RPP30: variants seen among roughly 807,000 people sequenced by gnomAD.
RPP30 encodes the protein ribonuclease P/MRP subunit p30.
In RPP30, 36 loss-of-function variants were observed where a neutral mutation model predicts 38.6. That is an observed-to-expected ratio of 0.93 (90% CI 0.71 to 1.23). The LOEUF (loss-of-function observed/expected upper bound fraction) is 1.23, where lower values mean the gene tolerates loss of function less well. Among genes scored for constraint, RPP30 ranks in the 50% most tolerant of loss-of-function variants. The probability of loss-of-function intolerance (pLI) is 0.00; values close to 1 mark genes in which losing one functional copy is unlikely to be tolerated. For missense variants in RPP30, 321 were observed against 321.7 expected (o/e 1.00, Z 0.02); for synonymous variants, 126 against 112.7 (o/e 1.12, Z -0.75).
At chr10:90,873,503 A>G (rs886079935) in intron 1 of RPP30, among the ~76,000 whole-genome samples, 3 of 152,266 alleles carry the variant, frequency 2.0e-5, no homozygotes, top group African/African-American at 7.2e-5. Context: ...ACAAGAAACC[A>G]ATAATAAGCT....
intron 6 of RPP30, among the ~76,000 whole-genome samples, chr10:90,889,906 T>C (rs78552826): frequency 6.1e-4 from 93 of 152,336 alleles, no homozygotes; most frequent in African/African-American, 2.2e-3. Context: ...CGCATTTCTG[T>C]CATGTGATAG....
downstream of RPP30, chr10:90,902,277 G>T (rs1479867845): frequency 2.2e-6 from 1 of 448,576 alleles, no homozygotes; most frequent in Non-Finnish European, 3.5e-6. Context: ...GAGTGCAGTG[G>T]CACAATCTCG....
At chr10:90,897,002 A>C (rs1589501934) in intron 10 of RPP30, among the ~76,000 whole-genome samples, 1 of 151,656 alleles carries the variant, frequency 6.6e-6, no homozygotes, top group East Asian at 1.9e-4. Flanking sequence ...CAATCCTCCT[A>C]CCTCAGCCTC....
chr10:90,880,049 G>C (rs1179268034), intron 5 of RPP30: 2 of 151,652 alleles, frequency 1.3e-5, no homozygotes, highest in African/African-American at 4.8e-5. Flanking sequence ...TTAAAGACTA[G>C]TCAAGTGTCC....
chr10:90,876,697 G>T (rs1205536402), intron 4 of RPP30, among the ~76,000 whole-genome samples: 3 of 152,190 alleles, frequency 2.0e-5, no homozygotes, highest in Non-Finnish European at 4.4e-5. Flanking sequence ...AGCCTAGTGA[G>T]CCGGTTACAT....
intron 6 of RPP30, 140 bp from the exon 7 acceptor site, chr10:90,894,635 A>C (rs1450780291): frequency 1.5e-6 from 1 of 680,636 alleles, no homozygotes; most frequent in Non-Finnish European, 2.7e-6. Flanking sequence ...TTGAGTGTTG[A>C]TCTGTCTTTC....
At chr10:90,899,789 C>T (rs1181491165) in intron 10 of RPP30, among the ~76,000 whole-genome samples, 2 of 152,178 alleles carry the variant, frequency 1.3e-5, no homozygotes, top group African/African-American at 2.4e-5. Context: ...GTGGATGCCT[C>T]CATTCCTATT....
chr10:90,900,647 C>T lies in RPP30; in HGVS notation c.775C>T (p.Pro259Ser), dbSNP rs1451851105. 1.9e-6 allele frequency: 3 copies of T among 1,613,624 alleles called. No individual in the cohort carries two copies. The highest frequency in any genetic ancestry group is 2.2e-5 in the South Asian group (2 of 90,890). Residue 259 changes from proline to serine, a missense_variant, in exon 11 of 11, where the codon CCA (proline) becomes TCA (serine). Coordinates refer to ENST00000371703, the MANE Select transcript of RPP30 (RefSeq NM_006413.5). ...RPSEGDEDCL[P>S]ASKKAKCEG is the part of the protein sequence containing the mutation. ...ATCAGAAGGAGATGAAGATTGTCTTCCAGCTTCCAAGAAAGCCAAGTGTGA... is the reference window on the plus strand; with the variant it reads ...ATCAGAAGGAGATGAAGATTGTCTTTCAGCTTCCAAGAAAGCCAAGTGTGA...
chr10:90,904,422 C>T (rs549347583), downstream of RPP30, among the ~76,000 whole-genome samples: 4 of 152,184 alleles, frequency 2.6e-5, no homozygotes, highest in Non-Finnish European at 5.9e-5. Flanking sequence ...CTCTGTGCCT[C>T]GCTTCATCTG....
rs1429431383 is a variant in RPP30 at position 90,895,863 on chromosome 10, T to C, written c.580-17T>C. 6.4e-7 allele frequency: 1 copy of C among 1,572,364 alleles called. No individual in the cohort carries two copies. The highest frequency in any genetic ancestry group is 1.2e-5 in the South Asian group (1 of 86,212). ...AAATAATTTTCTCATATCTACTCTT[T>C]GTTCATTTTATTTCAGCCTTTAGAA... On this transcript the variant is annotated splice_polypyrimidine_tract_variant and intron_variant, in intron 8 of 10. Coordinates refer to ENST00000371703, the MANE Select transcript of RPP30 (RefSeq NM_006413.5).
chr10:90,903,891 A>G (rs1847228120), downstream of RPP30, among the ~76,000 whole-genome samples: 1 of 152,246 alleles, frequency 6.6e-6, no homozygotes, highest in South Asian at 2.1e-4. Context: ...ATAAGAGAAT[A>G]AAGGGAAAAT....
intron 4 of RPP30, among the ~76,000 whole-genome samples, chr10:90,877,919 A>G (rs567561134): frequency 6.6e-6 from 1 of 152,338 alleles, no homozygotes; most frequent in East Asian, 1.9e-4. Context: ...TGGGATGGAC[A>G]TCTCCATCAT....
At chr10:90,880,937 A>G (rs1364179809) in intron 5 of RPP30, among the ~76,000 whole-genome samples, 3 of 152,206 alleles carry the variant, frequency 2.0e-5, no homozygotes, top group African/African-American at 7.2e-5. Flanking sequence ...AGTATAATTC[A>G]GTGCCAAAAC....
At chr10:90,883,962 C>G (rs1255005008) in intron 5 of RPP30, among the ~76,000 whole-genome samples, 1 of 152,054 alleles carries the variant, frequency 6.6e-6, no homozygotes, top group Non-Finnish European at 1.5e-5. Context: ...CCCTTTCTCC[C>G]TTCCTCTTTC....
chr10:90,902,937 A>C (rs1027480270), downstream of RPP30, among the ~76,000 whole-genome samples: 2 of 152,220 alleles, frequency 1.3e-5, no homozygotes, highest in Non-Finnish European at 2.9e-5. Context: ...GTTTATTCAC[A>C]AATCTGTTTA....
chr10:90,903,973 C>T (rs1226050500), downstream of RPP30, among the ~76,000 whole-genome samples: 1 of 152,178 alleles, frequency 6.6e-6, no homozygotes, highest in Admixed American at 6.5e-5. Flanking sequence ...AATTCTCCCC[C>T]AAATTACGCA....
At chr10:90,902,221 T>TTTC (rs1448061030), downstream of RPP30, 4 of 773,640 alleles carry the variant, frequency 5.2e-6, no homozygotes, top group Non-Finnish European at 6.4e-6. Context: ...TTATTCTTTT[T>TTTC]TTCTTCTTCT....
chr10:90,885,408 A>C (rs868078573), intron 5 of RPP30, among the ~76,000 whole-genome samples: 18 of 152,336 alleles, frequency 1.2e-4, no homozygotes, highest in Middle Eastern at 6.8e-3. Flanking sequence ...GTGTGGGATA[A>C]ATGGACTATG....
At chr10:90,891,526 A>G (rs1011285926) in intron 6 of RPP30, among the ~76,000 whole-genome samples, 25 of 152,170 alleles carry the variant, frequency 1.6e-4, no homozygotes, top group South Asian at 4.1e-4. Context: ...TCAACCCATT[A>G]TGCCTAGCAA....
Sources: allele counts gnomAD v4.1 joint callset (sites outside exome capture counted in the v4.1 genomes callset), GRCh38; gene constraint gnomAD v4.1.1; transcripts MANE v1.5; gene names NCBI Gene and HGNC (gene_info 2026-07-23, HGNC 2026-07-21).